HS6ST3: variants seen among roughly 807,000 people sequenced by gnomAD.
The protein encoded by HS6ST3 is heparan-sulfate 6-O-sulfotransferase 3.
A neutral mutation model predicts 36.7 loss-of-function variants in HS6ST3; 12 were observed. The ratio of observed to expected loss-of-function variants is 0.33; its 90% CI spans 0.21 to 0.53. The LOEUF is 0.53. Among genes scored for constraint, HS6ST3 ranks in the 20% least tolerant of loss-of-function variants. The pLI, the probability that HS6ST3 is intolerant of heterozygous loss-of-function variation, is 0.95. For synonymous variants in HS6ST3, 240 were observed against 257.5 expected (o/e 0.93, Z 0.65); for missense variants, 584 against 640.9 (o/e 0.91, Z 0.96).
intron 1 of HS6ST3, among the ~76,000 whole-genome samples, chr13:96,505,190 A>T (rs1594795772): frequency 6.6e-6 from 1 of 152,190 alleles, no homozygotes; most frequent in Non-Finnish European, 1.5e-5. Flanking sequence ...GTGCAATCAC[A>T]TGGGGGAATT....
In HS6ST3 at chr13:96,315,604, C is replaced by A. The variant is rs377200034; in HGVS notation, c.707+224035C>A. The stretch of plus-strand genomic sequence containing the variant: ...TTAAATCTTTATATAATACAGAATG[C>A]AGTTTCCTCATTTGTATGCATTGCT... On this transcript the variant is annotated intron_variant, in intron 1 of 1. Coordinates refer to ENST00000376705, the MANE Select transcript of HS6ST3 (RefSeq NM_153456.4). Among the ~76,000 whole-genome samples, 64 of 151,944 alleles carry A rather than the reference C, an allele frequency of 4.2e-4. 2 individuals are homozygous for A. In the South Asian group the frequency reaches 0.013, roughly 31 times the overall value.
At chr13:96,263,129 C>G (rs2139384195) in intron 1 of HS6ST3, among the ~76,000 whole-genome samples, 1 of 152,292 alleles carries the variant, frequency 6.6e-6, no homozygotes, top group African/African-American at 2.4e-5. Context: ...TGCAAAATAG[C>G]TGTTAAAACC....
intron 1 of HS6ST3, among the ~76,000 whole-genome samples, chr13:96,384,073 A>C (rs990099177): frequency 4.6e-5 from 7 of 152,224 alleles, no homozygotes; most frequent in African/African-American, 1.7e-4. Flanking sequence ...GAGATACCAG[A>C]GGCAGAAGCA....
chr13:96,348,575 A>T (rs959919600), intron 1 of HS6ST3, among the ~76,000 whole-genome samples: 8 of 152,212 alleles, frequency 5.3e-5, no homozygotes, highest in African/African-American at 1.9e-4. Flanking sequence ...TTGTGTATTC[A>T]TTGAAAAACT....
intron 1 of HS6ST3, among the ~76,000 whole-genome samples, chr13:96,569,839 G>T (rs2138961221): frequency 6.6e-6 from 1 of 152,264 alleles, no homozygotes; most frequent in Non-Finnish European, 1.5e-5. Context: ...TTCAATATTA[G>T]ATCTCAGGGC....
intron 1 of HS6ST3, among the ~76,000 whole-genome samples, chr13:96,283,883 T>C (rs1283524521): frequency 6.6e-6 from 1 of 152,138 alleles, no homozygotes; most frequent in Non-Finnish European, 1.5e-5. Context: ...TTGCTCATGC[T>C]CTGGCTTGCG....
intron 1 of HS6ST3, among the ~76,000 whole-genome samples, chr13:96,291,186 A>G (rs2054827994): frequency 6.6e-6 from 1 of 152,138 alleles, no homozygotes; most frequent in South Asian, 2.1e-4. Flanking sequence ...CTCCCATAGA[A>G]TGTGGCCCCA....
chr13:96,110,532 G>T (rs1004687681), intron 1 of HS6ST3, among the ~76,000 whole-genome samples: 6 of 151,524 alleles, frequency 4.0e-5, no homozygotes, highest in Admixed American at 2.0e-4. Flanking sequence ...CGCCTCCCAG[G>T]TTCACACCAT....
intron 1 of HS6ST3, among the ~76,000 whole-genome samples, chr13:96,129,818 A>G (rs2053967754): frequency 6.6e-6 from 1 of 152,188 alleles, no homozygotes; most frequent in African/African-American, 2.4e-5. Flanking sequence ...ACAGACTCAC[A>G]TAGAGGGAGA....
intron 1 of HS6ST3, among the ~76,000 whole-genome samples, chr13:96,491,725 A>G (rs1195893839): frequency 1.3e-5 from 2 of 152,160 alleles, no homozygotes; most frequent in African/African-American, 4.8e-5. Context: ...GCCCATATAC[A>G]CATGGCCTCT....
intron 1 of HS6ST3, among the ~76,000 whole-genome samples, chr13:96,687,377 G>A (rs571679245): frequency 1.6e-4 from 24 of 152,052 alleles, no homozygotes; most frequent in Admixed American, 7.9e-4. Flanking sequence ...GTCACAGTTG[G>A]CTGAAAGTCA....
intron 1 of HS6ST3, among the ~76,000 whole-genome samples, chr13:96,786,510 G>A (rs1877656569): frequency 6.6e-6 from 1 of 152,030 alleles, no homozygotes; most frequent in East Asian, 1.9e-4. Context: ...ACTAATAAAT[G>A]GATATGTTTT....
intron 1 of HS6ST3, among the ~76,000 whole-genome samples, chr13:96,299,892 TA>T (rs2139403011): frequency 6.6e-6 from 1 of 152,042 alleles, no homozygotes; most frequent in South Asian, 2.1e-4. Flanking sequence ...ATTTATCTTT[TA>T]AAAAGGAGGT....
chr13:96,454,384 G>A (rs1304320222), intron 1 of HS6ST3, among the ~76,000 whole-genome samples: 1 of 152,080 alleles, frequency 6.6e-6, no homozygotes, highest in Non-Finnish European at 1.5e-5. Context: ...ATAATTTAAT[G>A]AAAAATGTAG....
intron 1 of HS6ST3, among the ~76,000 whole-genome samples, chr13:96,646,656 T>C (rs774094416): frequency 2.6e-5 from 4 of 151,958 alleles, no homozygotes; most frequent in Non-Finnish European, 5.9e-5. Flanking sequence ...CTGTTAATAA[T>C]TTGAGACTTT....
At chr13:96,216,612 C>A (rs2139360294) in intron 1 of HS6ST3, among the ~76,000 whole-genome samples, 1 of 152,252 alleles carries the variant, frequency 6.6e-6, no homozygotes, top group Middle Eastern at 3.4e-3. Context: ...TCAGATCATT[C>A]TTTGGCTAAG....
At chr13:96,167,481 C>T (rs1254933675) in intron 1 of HS6ST3, among the ~76,000 whole-genome samples, 1 of 152,098 alleles carries the variant, frequency 6.6e-6, no homozygotes, top group Non-Finnish European at 1.5e-5. Context: ...CTTTCCTCAT[C>T]GCCCAAGAAT....
chr13:96,285,024 A>G (rs1029388885), intron 1 of HS6ST3, among the ~76,000 whole-genome samples: 4 of 151,088 alleles, frequency 2.6e-5, no homozygotes, highest in East Asian at 3.9e-4. Context: ...GGCTGTGCAT[A>G]TATTAATATC....
At chr13:96,293,631 A>AATTC (rs1566314118) in intron 1 of HS6ST3, among the ~76,000 whole-genome samples, 1 of 152,130 alleles carries the variant, frequency 6.6e-6, no homozygotes, top group East Asian at 1.9e-4. Flanking sequence ...AGTATTTCAT[A>AATTC]AGTATTACAT....
Sources: allele counts gnomAD v4.1 joint callset (sites outside exome capture counted in the v4.1 genomes callset), GRCh38; gene constraint gnomAD v4.1.1; transcripts MANE v1.5; gene names NCBI Gene and HGNC (gene_info 2026-07-23, HGNC 2026-07-21).